Variants in PSPC1 observed in about 807,000 individuals in gnomAD.
The protein encoded by PSPC1 is paraspeckle protein 1.
Under a neutral mutation model 51.6 loss-of-function variants are expected in PSPC1, and 14 were observed. The observed-to-expected ratio is 0.27, with a 90% CI of 0.18 to 0.42. The LOEUF is 0.42. PSPC1 is among the 10% of genes least tolerant of loss of function. The pLI is 1.00. For synonymous variants in PSPC1, 193 were observed against 231.9 expected (o/e 0.83, Z 1.53); for missense variants, 406 against 701.1 (o/e 0.58, Z 4.75).
intron 6 of PSPC1, among the ~76,000 whole-genome samples, chr13:19,720,263 G>A (rs1473844562): frequency 6.6e-6 from 1 of 152,130 alleles, no homozygotes; most frequent in Non-Finnish European, 1.5e-5. Flanking sequence ...TTCTTATCCA[G>A]TGCATTTCCT....
downstream of PSPC1, among the ~76,000 whole-genome samples, chr13:19,674,207 A>C (rs1876359484): frequency 6.6e-6 from 1 of 152,180 alleles, no homozygotes; most frequent in Admixed American, 6.5e-5. Context: ...AATCTAGTTG[A>C]CTGTAATGGC....
intron 6 of PSPC1, among the ~76,000 whole-genome samples, chr13:19,687,639 T>A (rs954674674): frequency 1.2e-5 from 1 of 80,962 alleles, no homozygotes; most frequent in African/African-American, 4.1e-5. Flanking sequence ...TTAAAACCTG[T>A]CACCCTTGCC....
intron 6 of PSPC1, among the ~76,000 whole-genome samples, chr13:19,684,096 C>G (rs980760867): frequency 6.6e-6 from 1 of 152,138 alleles, no homozygotes; most frequent in Non-Finnish European, 1.5e-5. Flanking sequence ...GGCAAGCGCT[C>G]GTTAGGAAGT....
intron 6 of PSPC1, among the ~76,000 whole-genome samples, chr13:19,712,759 A>G (rs1354544810): frequency 2.6e-5 from 4 of 152,088 alleles, no homozygotes; most frequent in South Asian, 2.1e-4. Context: ...ATATATATAT[A>G]TACTTGTACT....
At chr13:19,715,559 A>C (rs1365860754) in intron 6 of PSPC1, among the ~76,000 whole-genome samples, 1 of 152,190 alleles carries the variant, frequency 6.6e-6, no homozygotes, top group African/African-American at 2.4e-5. Context: ...TGATGGGTCT[A>C]AGTCAAAATG....
intron 6 of PSPC1, among the ~76,000 whole-genome samples, chr13:19,686,088 C>T (rs544663286): frequency 1.2e-4 from 19 of 152,328 alleles, no homozygotes; most frequent in South Asian, 1.2e-3. Flanking sequence ...TCTCGCTCTC[C>T]TCCACTCAAT....
chr13:19,780,006 G>T (rs1254199245), intron 1 of PSPC1, among the ~76,000 whole-genome samples: 64 of 141,182 alleles, frequency 4.5e-4, no homozygotes, highest in African/African-American at 1.0e-3. Flanking sequence ...CGGGAGGGAG[G>T]TGGGGGGGGT....
intron 2 of PSPC1, among the ~76,000 whole-genome samples, chr13:19,770,054 CAT>C (rs34715423): frequency 0.64 from 96,876 of 151,902 alleles, 34,514 homozygotes; most frequent in East Asian, 0.89. Flanking sequence ...ACGGACAAAA[CAT>C]AGTTATGTCC....
At chr13:19,706,491 T>A (rs1233180610) in intron 7 of PSPC1, among the ~76,000 whole-genome samples, 1 of 152,094 alleles carries the variant, frequency 6.6e-6, no homozygotes, top group Non-Finnish European at 1.5e-5. Context: ...CAAATACAGA[T>A]AAAATATTAA....
intron 6 of PSPC1, among the ~76,000 whole-genome samples, chr13:19,694,164 T>C (rs1320677427): frequency 7.6e-6 from 1 of 131,362 alleles, no homozygotes. Flanking sequence ...TATATATATA[T>C]ATACATACAC....
At chr13:19,682,768 A>G (rs1795714627) in intron 6 of PSPC1, among the ~76,000 whole-genome samples, 1 of 152,154 alleles carries the variant, frequency 6.6e-6, no homozygotes. Flanking sequence ...ACATATTAAT[A>G]GAACCTGCCC....
At chr13:19,676,826 T>C (rs1317768139) in intron 7 of PSPC1, among the ~76,000 whole-genome samples, 2 of 152,224 alleles carry the variant, frequency 1.3e-5, no homozygotes, top group Admixed American at 6.5e-5. Context: ...TCATAAAGAC[T>C]GCATTAATGT....
chr13:19,759,858 T>C (rs1388642117), intron 2 of PSPC1, among the ~76,000 whole-genome samples: 5 of 52,726 alleles, frequency 9.5e-5, no homozygotes, highest in African/African-American at 1.3e-4. Context: ...CAAGACTCCA[T>C]CACAAAAAAA....
intron 2 of PSPC1, among the ~76,000 whole-genome samples, chr13:19,760,749 T>C (rs1220328048): frequency 1.3e-5 from 2 of 151,212 alleles, no homozygotes; most frequent in East Asian, 2.0e-4. Context: ...AGCACTTTGG[T>C]AGGCTGAGGC....
intron 5 of PSPC1, among the ~76,000 whole-genome samples, chr13:19,739,929 G>C (rs925701469): frequency 6.6e-6 from 1 of 151,628 alleles, no homozygotes; most frequent in African/African-American, 2.4e-5. Context: ...GAGGATTCCA[G>C]GTGGCTGGGC....
intron 6 of PSPC1, among the ~76,000 whole-genome samples, chr13:19,683,216 T>C (rs768156529): frequency 1.1e-4 from 16 of 152,200 alleles, no homozygotes; most frequent in Admixed American, 5.9e-4. Flanking sequence ...ACAAGAGTGT[T>C]CATAGTAGCT....
intron 6 of PSPC1, among the ~76,000 whole-genome samples, chr13:19,725,538 T>C (rs1883277007): frequency 1.3e-5 from 2 of 152,162 alleles, no homozygotes; most frequent in Admixed American, 1.3e-4. Context: ...TGGCAGGCCA[T>C]GTAGTCTCAA....
At chr13:19,693,534 G>A (rs1438866064) in intron 6 of PSPC1, among the ~76,000 whole-genome samples, 1 of 151,944 alleles carries the variant, frequency 6.6e-6, no homozygotes, top group African/African-American at 2.4e-5. Flanking sequence ...ATTCTAGAAG[G>A]AATAAAATAA....
chr13:19,687,719 T>G (rs1878083301), intron 6 of PSPC1, among the ~76,000 whole-genome samples: 1 of 151,710 alleles, frequency 6.6e-6, no homozygotes, highest in Non-Finnish European at 1.5e-5. Flanking sequence ...TCTGCCCTTC[T>G]TCTCCATCCC....
Sources: allele counts gnomAD v4.1 joint callset (sites outside exome capture counted in the v4.1 genomes callset), GRCh38; gene constraint gnomAD v4.1.1; transcripts MANE v1.5; gene names NCBI Gene and HGNC (gene_info 2026-07-23, HGNC 2026-07-21).